The following ARAP2 variants were observed in gnomAD, a reference collection of about 807,000 sequenced individuals.
ARAP2 encodes the protein arf-GAP with Rho-GAP domain, ANK repeat and PH domain-containing protein 2.
A neutral mutation model predicts 194.5 loss-of-function variants in ARAP2; 148 were observed. That is an observed-to-expected ratio of 0.76 (90% CI 0.67 to 0.87). ARAP2 has a LOEUF of 0.87. Among genes scored for constraint, ARAP2 ranks in the 40% least tolerant of loss-of-function variants. The probability of loss-of-function intolerance (pLI) is 0.00; values close to 1 mark genes in which losing one functional copy is unlikely to be tolerated. For synonymous variants in ARAP2, 695 were observed against 683.5 expected, an observed-to-expected ratio of 1.02 and a Z score of -0.26; for missense variants, 2,128 against 1,989.7, an observed-to-expected ratio of 1.07 and a Z score of -1.32.
chr4:36,096,752 C>T (rs1401357181), intron 27 of ARAP2, among the ~76,000 whole-genome samples: 1 of 152,022 alleles, frequency 6.6e-6, no homozygotes, highest in Non-Finnish European at 1.5e-5. Flanking sequence ...TAAAATTTGT[C>T]TTCTGGTACA....
chr4:36,112,616 T>C (rs1312229853), intron 26 of ARAP2, among the ~76,000 whole-genome samples: 4 of 151,798 alleles, frequency 2.6e-5, no homozygotes, highest in Non-Finnish European at 5.9e-5. Context: ...CACAGGGTCA[T>C]ACAAAATCAT....
chr4:36,012,489 G>C (rs1024879515), intron 9 of ARAP2: 4 of 152,122 alleles, frequency 2.6e-5, no homozygotes, highest in Non-Finnish European at 5.9e-5. Flanking sequence ...ATGTAAAAGT[G>C]ACAGACATAT....
At chr4:36,020,559 G>A (rs964058617) in intron 5 of ARAP2, among the ~76,000 whole-genome samples, 3 of 152,186 alleles carry the variant, frequency 2.0e-5, no homozygotes, top group Non-Finnish European at 4.4e-5. Flanking sequence ...TGGGAGGGAT[G>A]GAGTGGATGG....
At chr4:36,170,134 T>TG (rs1413764155) in intron 9 of ARAP2, among the ~76,000 whole-genome samples, 6 of 152,166 alleles carry the variant, frequency 3.9e-5, no homozygotes, top group Non-Finnish European at 8.8e-5. Context: ...TCCATGAATC[T>TG]GGGGGCAGAA....
chr4:36,195,384 T>C (rs1742853254), intron 6 of ARAP2, among the ~76,000 whole-genome samples: 1 of 152,212 alleles, frequency 6.6e-6, no homozygotes, highest in East Asian at 1.9e-4. Context: ...TGTTGAAAGG[T>C]AAAGAAATAT....
At chr4:36,068,333 T>G (rs1725997345) in intron 32 of ARAP2, 55 bp from the exon 33 acceptor site, 3 of 1,487,068 alleles carry the variant, frequency 2.0e-6, no homozygotes, top group Non-Finnish European at 2.7e-6. Context: ...CAATTTAGGT[T>G]TAGAAAGTGC....
chr4:36,089,549 C>G (rs1712960538), intron 28 of ARAP2, among the ~76,000 whole-genome samples: 1 of 152,028 alleles, frequency 6.6e-6, no homozygotes, highest in Admixed American at 6.6e-5. Flanking sequence ...ACCCTTCCAC[C>G]AACAATTTAT....
At position 36,121,174 on chromosome 4, in the gene ARAP2, A is replaced by G. The variant is rs964651998; in HGVS notation, c.3894+5T>C. On this transcript the variant is annotated splice_donor_5th_base_variant and intron_variant, in intron 23 of 32. Coordinates refer to ENST00000303965, the MANE Select transcript of ARAP2 (RefSeq NM_015230.4). ...TTTAACAAGGGCAGGATACAAAATA[A>G]TTACCTCAAATATTTCTACATAATT... is the stretch of plus-strand genomic sequence containing the variant. 1.3e-6 allele frequency: 2 copies of G among 1,577,446 alleles called. No homozygotes were observed. Among genetic ancestry groups the G allele is most frequent in the African/African-American group, 2.7e-5 (2 of 73,392 alleles).
chr4:36,193,510 AC>A lies in ARAP2; in HGVS notation c.1557+67del. ...TCTACCTCCTATTCTTAAAAACCAA[AC>A]TGCTTGCTTATTTTACTCTTCGTAT... On this transcript the variant is annotated intron_variant, in intron 7 of 32. Transcript: ENST00000303965. 2.8e-6 allele frequency: 3 copies of A among 1,069,682 alleles called. No individual in the cohort carries two copies. The South Asian group carries it at 5.4e-5, about 19-fold the overall frequency. The allele number at this position is 1,069,682 out of a possible 1,614,324, so 66.3% of individuals were successfully genotyped here. A position where few individuals can be genotyped will look rare whatever the true frequency, so the allele number is the denominator to read the frequency against.
At chr4:36,016,712 G>T (rs566928753) in intron 6 of ARAP2, among the ~76,000 whole-genome samples, 1 of 152,196 alleles carries the variant, frequency 6.6e-6, no homozygotes, top group East Asian at 1.9e-4. Flanking sequence ...CATGCGTTAC[G>T]TTAAAAATAT....
chr4:36,221,606 A>T (rs1749183590), intron 2 of ARAP2, among the ~76,000 whole-genome samples: 1 of 152,144 alleles, frequency 6.6e-6, no homozygotes, highest in South Asian at 2.1e-4. Flanking sequence ...CAATAAATAA[A>T]ATGTGAAGAA....
chr4:36,079,199 T>C (rs1199307394), intron 31 of ARAP2, among the ~76,000 whole-genome samples: 1 of 141,476 alleles, frequency 7.1e-6, no homozygotes, highest in African/African-American at 2.6e-5. Context: ...AAAAAAAAGT[T>C]GAATATCTGA....
At chr4:36,233,178 GCT>G (rs890186878) in intron 1 of ARAP2, among the ~76,000 whole-genome samples, 1 of 152,150 alleles carries the variant, frequency 6.6e-6, no homozygotes, top group Admixed American at 6.5e-5. Context: ...ATTCTTAGAT[GCT>G]CTAGCCCCAA....
chr4:36,200,487 T>C lies in ARAP2; in HGVS notation c.1488-6840A>G, dbSNP rs554348731. On this transcript the variant is annotated intron_variant, in intron 6 of 32. Coordinates refer to ENST00000303965, the MANE Select transcript of ARAP2 (RefSeq NM_015230.4). Reference sequence around the variant, plus strand: ...TCAGGCTGGTCTCAAACTCCCAACCTCAGGTGATCTAGCTGTCTCGGCCTC... The same window carrying C: ...TCAGGCTGGTCTCAAACTCCCAACCCCAGGTGATCTAGCTGTCTCGGCCTC... Among the ~76,000 whole-genome samples, 51 of 152,212 alleles carry C rather than the reference T, an allele frequency of 3.4e-4. 1 individual carries two copies. The highest frequency in any genetic ancestry group is 3.4e-3 in the Middle Eastern group (1 of 294).
intron 8 of ARAP2, among the ~76,000 whole-genome samples, chr4:36,181,086 C>T (rs1481667639): frequency 6.6e-6 from 1 of 152,214 alleles, no homozygotes; most frequent in East Asian, 1.9e-4. Context: ...ACTGTGCTAG[C>T]TTTTGCCTGT....
At chr4:36,127,680 AAAGT>A (rs1724291223) in intron 21 of ARAP2, among the ~76,000 whole-genome samples, 1 of 152,018 alleles carries the variant, frequency 6.6e-6, no homozygotes, top group South Asian at 2.1e-4. Context: ...GAATAATTCA[AAAGT>A]AAGTTTTAAA....
chr4:36,186,117 C>T (rs563723696), intron 8 of ARAP2, among the ~76,000 whole-genome samples: 2 of 152,122 alleles, frequency 1.3e-5, no homozygotes, highest in African/African-American at 4.8e-5. Flanking sequence ...AATTAAAGCA[C>T]CAAGAAGTAC....
chr4:36,066,386 T>C lies in ARAP2; in HGVS notation c.*1521A>G, dbSNP rs1725461088. 4 of 152,104 alleles carry C rather than the reference T, an allele frequency of 2.6e-5. No individual in the cohort carries two copies. Among genetic ancestry groups the C allele is most frequent in the Admixed American group, 2.6e-4 (4 of 15,276 alleles). The allele number at this position is 152,104 out of a possible 1,614,324, so 9.4% of individuals were successfully genotyped here. A position where few individuals can be genotyped will look rare whatever the true frequency, so the allele number is the denominator to read the frequency against. On this transcript the variant is annotated 3_prime_UTR_variant, in exon 33 of 33. Coordinates refer to ENST00000303965, the MANE Select transcript of ARAP2 (RefSeq NM_015230.4). ...TTTTGTGCTTTTTAAAAATTCTAAT[T>C]TACTTTGATTTAAAGAATAAATATC...
At chr4:36,211,075 A>ATT (rs1746650314) in intron 5 of ARAP2, among the ~76,000 whole-genome samples, 1 of 152,094 alleles carries the variant, frequency 6.6e-6, no homozygotes, top group Non-Finnish European at 1.5e-5. Flanking sequence ...TAATAGCACA[A>ATT]TTAAGTGGCC....
Sources: gnomAD v4.1 joint callset for allele counts (sites outside exome capture counted in the v4.1 genomes callset) on GRCh38, gnomAD v4.1.1 for gene constraint, MANE v1.5 for transcripts, NCBI Gene and HGNC (gene_info 2026-07-23, HGNC 2026-07-21) for gene names.